The following RB1 variants were observed in gnomAD, a reference collection of about 807,000 sequenced individuals.
RB1 encodes RB transcriptional corepressor 1.
In RB1, 18 loss-of-function variants were observed where a neutral mutation model predicts 135.4. That is an observed-to-expected ratio of 0.13 (90% CI 0.09 to 0.20). The LOEUF is 0.20. Ranked by LOEUF, RB1 falls within the 10% of genes least tolerant of loss-of-function variation. The probability of loss-of-function intolerance (pLI) is 1.00; values close to 1 mark genes in which losing one functional copy is unlikely to be tolerated. For synonymous variants in RB1, 365 were observed against 373.2 expected, an observed-to-expected ratio of 0.98 and a Z score of 0.25; for missense variants, 868 against 1,110.0, an observed-to-expected ratio of 0.78 and a Z score of 3.10.
At chr13:48,381,537 A>G in intron 17 of RB1, 94 bp downstream of exon 17, 1 of 1,154,556 alleles carries the variant, frequency 8.7e-7, no homozygotes, top group South Asian at 1.3e-5. Flanking sequence ...TACCTCAAGA[A>G]CATATAGGGA....
chr13:48,436,429 G>A (rs183186100), intron 17 of RB1, among the ~76,000 whole-genome samples: 52 of 152,238 alleles, frequency 3.4e-4, no homozygotes, highest in African/African-American at 1.1e-3. Context: ...GATCACCTGC[G>A]GTCAGAAGTT....
Position 48,319,434 on chromosome 13 carries a change from C to T in RB1, c.264+12028C>T. On this transcript the variant is annotated intron_variant, in intron 2 of 26. Transcript: ENST00000267163. This position sits in a 1 kb window ranked among gnomAD's most constrained non-coding sequence, Gnocchi z 5.0. The stretch of plus-strand genomic sequence containing the variant: ...TGACGCCTCGGGCGCCTGCGCCGCA[C>T]TTGTGACTTGCTTTCCCCTTCTCAG... The T allele has an allele frequency of 2.8e-6, 1 of 361,904 alleles. No individual in the cohort carries two copies. The highest frequency in any genetic ancestry group is 5.2e-6 in the Non-Finnish European group (1 of 192,274). The allele number at this position is 361,904 out of a possible 1,614,324, so 22.4% of individuals were successfully genotyped here. A position where few individuals can be genotyped will look rare whatever the true frequency, so the allele number is the denominator to read the frequency against.
intron 11 of RB1, among the ~76,000 whole-genome samples, chr13:48,370,271 G>A (rs1952745874): frequency 6.6e-6 from 1 of 152,092 alleles, no homozygotes; most frequent in Non-Finnish European, 1.5e-5. Context: ...AGACTTTTGT[G>A]ACCAAATGTG....
At chr13:48,338,014 C>G (rs559225205) in intron 2 of RB1, among the ~76,000 whole-genome samples, 10 of 152,346 alleles carry the variant, frequency 6.6e-5, no homozygotes, top group South Asian at 4.1e-4. Context: ...GGCCCCCACT[C>G]TCTTCTGGCT....
chr13:48,411,171 A>C, intron 17 of RB1: 1 of 458,064 alleles, frequency 2.2e-6, no homozygotes, highest in Non-Finnish European at 3.9e-6. Context: ...TGAAGGAACA[A>C]ATCAAAATGG....
intron 17 of RB1, among the ~76,000 whole-genome samples, chr13:48,422,330 A>G (rs1285431534): frequency 3.3e-5 from 5 of 152,264 alleles, no homozygotes; most frequent in Middle Eastern, 6.8e-3. Context: ...GAACACATGG[A>G]CACAGGGAGG....
chr13:48,346,889 A>G (rs144672160), intron 4 of RB1, among the ~76,000 whole-genome samples: 1 of 152,072 alleles, frequency 6.6e-6, no homozygotes, highest in African/African-American at 2.4e-5. Flanking sequence ...GCAAGCAAAA[A>G]CTTCTTTAAG....
chr13:48,445,831 T>C (rs1949283009), intron 17 of RB1, among the ~76,000 whole-genome samples: 1 of 152,256 alleles, frequency 6.6e-6, no homozygotes. Flanking sequence ...CTGTTTATAC[T>C]TAATGGCTAA....
chr13:48,448,888 C>A (rs1949307615), intron 17 of RB1, among the ~76,000 whole-genome samples: 1 of 152,166 alleles, frequency 6.6e-6, no homozygotes, highest in African/African-American at 2.4e-5. Flanking sequence ...CAAAACGTTT[C>A]ATTGCTAGTA....
At chr13:48,379,769 G>C in intron 14 of RB1, 119 bp downstream of exon 14, 1 of 1,298,950 alleles carries the variant, frequency 7.7e-7, no homozygotes, top group Non-Finnish European at 1.1e-6. Flanking sequence ...AGATCATCCT[G>C]GCCAAAATGG....
At chr13:48,361,612 A>G (rs1952640607) in intron 7 of RB1, among the ~76,000 whole-genome samples, 1 of 152,196 alleles carries the variant, frequency 6.6e-6, no homozygotes, top group South Asian at 2.1e-4. Context: ...ACTCCTTAAT[A>G]TTACTGAATA....
intron 17 of RB1, among the ~76,000 whole-genome samples, chr13:48,400,425 A>G (rs894921623): frequency 6.6e-6 from 1 of 152,212 alleles, no homozygotes; most frequent in East Asian, 1.9e-4. Context: ...TTTAGCCTCT[A>G]TGTTGCCTTT....
At chr13:48,359,505 C>A (rs1173179706) in intron 6 of RB1, among the ~76,000 whole-genome samples, 1 of 146,412 alleles carries the variant, frequency 6.8e-6, no homozygotes, top group Non-Finnish European at 1.5e-5. Context: ...AGAATAAATT[C>A]TAATAAACTT....
intron 3 of RB1, among the ~76,000 whole-genome samples, chr13:48,344,198 G>GAAGAGTGAT (rs1952472054): frequency 6.6e-6 from 1 of 152,150 alleles, no homozygotes; most frequent in Non-Finnish European, 1.5e-5. Flanking sequence ...AAAGAGTAAC[G>GAAGAGTGAT]AAGAGTGATT....
intron 17 of RB1, chr13:48,412,542 A>G: frequency 1.3e-6 from 1 of 752,670 alleles, no homozygotes; most frequent in Non-Finnish European, 2.4e-6. Flanking sequence ...GGATCTTTGG[A>G]TGGTTTTATA....
intron 17 of RB1, among the ~76,000 whole-genome samples, chr13:48,450,400 A>G (rs1949319494): frequency 6.6e-6 from 1 of 152,108 alleles, no homozygotes; most frequent in Non-Finnish European, 1.5e-5. Context: ...TTTATTTAGG[A>G]CCATTTATTT....
At chr13:48,389,200 A>G (rs898779157) in intron 17 of RB1, among the ~76,000 whole-genome samples, 3 of 151,920 alleles carry the variant, frequency 2.0e-5, no homozygotes, top group African/African-American at 7.2e-5. Context: ...TAAAAACTGA[A>G]AAAAAGGAAA....
At chr13:48,334,907 T>C (rs1174045786) in intron 2 of RB1, among the ~76,000 whole-genome samples, 1 of 152,070 alleles carries the variant, frequency 6.6e-6, no homozygotes, top group Non-Finnish European at 1.5e-5. Flanking sequence ...AAAATTTTGA[T>C]AAAGATTTTT....
chr13:48,328,122 T>C, intron 2 of RB1: 1 of 1,030,116 alleles, frequency 9.7e-7, no homozygotes, highest in African/African-American at 1.6e-5. Context: ...AGATTTTATA[T>C]TCCACTCCCA....
Sources: allele counts gnomAD v4.1 joint callset (sites outside exome capture counted in the v4.1 genomes callset), GRCh38; gene constraint gnomAD v4.1.1; non-coding constraint Gnocchi (gnomAD v3.1); transcripts MANE v1.5; gene names NCBI Gene and HGNC (gene_info 2026-07-23, HGNC 2026-07-21).